KCTD16: variants seen among roughly 807,000 people sequenced by gnomAD.
KCTD16 encodes the protein BTB/POZ domain-containing protein KCTD16.
Under a neutral mutation model 33.2 loss-of-function variants are expected in KCTD16, and 13 were observed. The ratio of observed to expected loss-of-function variants is 0.39; its 90% confidence interval spans 0.25 to 0.62. The LOEUF is 0.62. Ranked by LOEUF, KCTD16 falls within the 20% of genes least tolerant of loss-of-function variation. The probability of loss-of-function intolerance (pLI) is 0.50; values close to 1 mark genes in which losing one functional copy is unlikely to be tolerated. For missense variants in KCTD16, 441 were observed against 525.1 expected (o/e 0.84, Z 1.57); for synonymous variants, 197 against 195.3 (o/e 1.01, Z -0.07).
chr5:144,210,063 G>A (rs1753326349), intron 3 of KCTD16, among the ~76,000 whole-genome samples: 1 of 151,706 alleles, frequency 6.6e-6, no homozygotes, highest in African/African-American at 2.4e-5. Context: ...TAGCATGATG[G>A]TTCATAATCA....
intron 3 of KCTD16, among the ~76,000 whole-genome samples, chr5:144,337,219 A>G (rs1320787205): frequency 6.6e-6 from 1 of 152,028 alleles, no homozygotes; most frequent in Non-Finnish European, 1.5e-5. Flanking sequence ...CGTGCTGTAG[A>G]ATGATTTCTC....
At chr5:144,252,383 G>T (rs1402124909) in intron 3 of KCTD16, among the ~76,000 whole-genome samples, 2 of 152,120 alleles carry the variant, frequency 1.3e-5, no homozygotes, top group Admixed American at 1.3e-4. Flanking sequence ...TCCTTTTCAG[G>T]AAATCCACAA....
chr5:144,187,512 C>A (rs1443825408), intron 2 of KCTD16, among the ~76,000 whole-genome samples: 1 of 152,018 alleles, frequency 6.6e-6, no homozygotes, highest in Non-Finnish European at 1.5e-5. Context: ...CTAGCTATAA[C>A]AAAATATCAC....
intron 3 of KCTD16, among the ~76,000 whole-genome samples, chr5:144,250,938 T>G (rs989825341): frequency 1.3e-5 from 2 of 152,170 alleles, no homozygotes; most frequent in African/African-American, 4.8e-5. Flanking sequence ...CTTTTACAAT[T>G]ATTATATATA....
intron 3 of KCTD16, among the ~76,000 whole-genome samples, chr5:144,426,174 A>G (rs1753324303): frequency 6.6e-6 from 1 of 152,164 alleles, no homozygotes; most frequent in South Asian, 2.1e-4. Context: ...ATCATTCCCA[A>G]GTTCTGCATT....
intron 3 of KCTD16, among the ~76,000 whole-genome samples, chr5:144,239,880 A>T (rs1249930906): frequency 2.0e-5 from 3 of 152,142 alleles, no homozygotes; most frequent in African/African-American, 7.2e-5. Context: ...GAAAATTATT[A>T]ATCTCTACAA....
chr5:144,199,029 C>A (rs1752991479), intron 2 of KCTD16, among the ~76,000 whole-genome samples: 1 of 152,118 alleles, frequency 6.6e-6, no homozygotes, highest in Non-Finnish European at 1.5e-5. Context: ...GGGTATTCCA[C>A]AAATTCCATT....
intron 3 of KCTD16, among the ~76,000 whole-genome samples, chr5:144,304,974 A>G (rs1192757848): frequency 6.9e-6 from 1 of 145,092 alleles, no homozygotes; most frequent in African/African-American, 2.6e-5. Context: ...AGAATATCAA[A>G]ATCTTTTTTT....
rs566278916 is a variant in KCTD16 at position 144,264,622 on chromosome 5, A to T, written c.832+57076A>T. ...TAAAAAAAACATAGAAAATGTAAAA[A>T]GTTAGCTGGGCATGGTGGTGCCCGC... On this transcript the variant is annotated intron_variant, in intron 3 of 3. Transcript: ENST00000512467. Among the ~76,000 whole-genome samples, 5 of 152,234 alleles carry T rather than the reference A, an allele frequency of 3.3e-5. No individual in the cohort carries two copies. The East Asian group carries it at 7.8e-4, about 24-fold the overall frequency.
intron 3 of KCTD16, among the ~76,000 whole-genome samples, chr5:144,350,630 G>A (rs1258928772): frequency 1.3e-5 from 2 of 151,974 alleles, no homozygotes; most frequent in Non-Finnish European, 2.9e-5. Context: ...TTTTAGTTTG[G>A]GCTGTTAGAA....
At chr5:144,237,929 C>T (rs759466722) in intron 3 of KCTD16, among the ~76,000 whole-genome samples, 1 of 152,120 alleles carries the variant, frequency 6.6e-6, no homozygotes, top group Non-Finnish European at 1.5e-5. Flanking sequence ...ACTGCATCTT[C>T]GAATTGCAGT....
intron 2 of KCTD16, chr5:144,205,390 C>T (rs1349165786): frequency 5.0e-6 from 2 of 397,216 alleles, no homozygotes; most frequent in Non-Finnish European, 8.9e-6. Flanking sequence ...GAAACAACAG[C>T]ATCCGAACTG....
chr5:144,401,240 A>G (rs929762033), intron 3 of KCTD16, among the ~76,000 whole-genome samples: 1 of 152,180 alleles, frequency 6.6e-6, no homozygotes, highest in South Asian at 2.1e-4. Context: ...TAACTAAATT[A>G]CAGCACCAAT....
intron 3 of KCTD16, among the ~76,000 whole-genome samples, chr5:144,289,553 C>T (rs1034252568): frequency 2.6e-5 from 4 of 152,140 alleles, no homozygotes; most frequent in Admixed American, 6.5e-5. Flanking sequence ...TACTTTCCTC[C>T]GCCACCTTAT....
chr5:144,364,194 G>T (rs955590963), intron 3 of KCTD16, among the ~76,000 whole-genome samples: 3 of 152,130 alleles, frequency 2.0e-5, no homozygotes, highest in Non-Finnish European at 2.9e-5. Context: ...CAGGCATTTT[G>T]CATGCAATGA....
chr5:144,354,468 T>C (rs1178026232), intron 3 of KCTD16, among the ~76,000 whole-genome samples: 3 of 152,144 alleles, frequency 2.0e-5, no homozygotes, highest in Non-Finnish European at 2.9e-5. Context: ...CCTTCCACCC[T>C]CTGGCCAGCC....
At chr5:144,270,313 T>TA (rs1473484926) in intron 3 of KCTD16, among the ~76,000 whole-genome samples, 3 of 151,858 alleles carry the variant, frequency 2.0e-5, no homozygotes, top group Non-Finnish European at 4.4e-5. Flanking sequence ...TTTCAATACA[T>TA]ATTAAAAAAT....
At chr5:144,271,546 C>T (rs747392386) in intron 3 of KCTD16, among the ~76,000 whole-genome samples, 4 of 152,020 alleles carry the variant, frequency 2.6e-5, no homozygotes, top group Non-Finnish European at 5.9e-5. Flanking sequence ...GAATATTACA[C>T]TGAATGCTGT....
intron 3 of KCTD16, among the ~76,000 whole-genome samples, chr5:144,430,455 G>A (rs577002648): frequency 3.9e-5 from 6 of 152,104 alleles, no homozygotes; most frequent in East Asian, 3.9e-4. Flanking sequence ...GTTGGCTTCC[G>A]GGCCAGGCTC....
Sources: gnomAD v4.1 joint callset for allele counts (sites outside exome capture counted in the v4.1 genomes callset) on GRCh38, gnomAD v4.1.1 for gene constraint, MANE v1.5 for transcripts, NCBI Gene and HGNC (gene_info 2026-07-23, HGNC 2026-07-21) for gene names.